Variants in UBR3 observed in about 807,000 individuals in gnomAD.
UBR3 encodes ubiquitin protein ligase E3 component n-recognin 3.
A neutral mutation model predicts 243.2 loss-of-function variants in UBR3; 85 were observed. The ratio of observed to expected loss-of-function variants is 0.35; its 90% CI spans 0.29 to 0.42. The LOEUF (loss-of-function observed/expected upper bound fraction) is 0.42, where lower values mean the gene tolerates loss of function less well. Among genes scored for constraint, UBR3 ranks in the 10% least tolerant of loss-of-function variants. The pLI is 1.00. For synonymous variants in UBR3, 748 were observed against 799.8 expected (o/e 0.94, Z 1.09); for missense variants, 1,686 against 2,300.8 (o/e 0.73, Z 5.47).
chr2:169,869,091 T>A lies in UBR3; in HGVS notation c.546-3145T>A, dbSNP rs75952278. On this transcript the variant is annotated intron_variant, in intron 1 of 38. Coordinates refer to ENST00000272793, the MANE Select transcript of UBR3 (RefSeq NM_172070.4). ...ATGGAAGTTAGCTCTGGAGACATGG[T>A]ACCATTCAAGTTCAGTTTGTTTGAT... 3.7e-3 allele frequency among the ~76,000 whole-genome samples: 559 copies of A among 152,126 alleles called. 3 individuals carry two copies. Among genetic ancestry groups the A allele is most frequent in the African/African-American group, 0.013 (524 of 41,510 alleles).
chr2:170,072,100 C>G (rs1352452742), intron 35 of UBR3, among the ~76,000 whole-genome samples: 2 of 152,060 alleles, frequency 1.3e-5, no homozygotes, highest in African/African-American at 2.4e-5. Context: ...ATAAATCATG[C>G]TGCTATAAAG....
chr2:169,982,457 C>T (rs1378040828), intron 24 of UBR3, among the ~76,000 whole-genome samples: 1 of 151,970 alleles, frequency 6.6e-6, no homozygotes, highest in Non-Finnish European at 1.5e-5. Flanking sequence ...TAGGCTCTAA[C>T]TATTTTTAAC....
At chr2:169,878,416 C>G in intron 4 of UBR3, 109 bp from the exon 5 acceptor site, 1 of 1,068,138 alleles carries the variant, frequency 9.4e-7, no homozygotes. Context: ...ATGAGGTGTC[C>G]TAACGTAACA....
chr2:169,864,895 A>T (rs1316923629), intron 1 of UBR3, among the ~76,000 whole-genome samples: 1 of 140,206 alleles, frequency 7.1e-6, no homozygotes, highest in Non-Finnish European at 1.5e-5. Context: ...TGACGGAGCG[A>T]GACTCCGTCT....
intron 11 of UBR3, among the ~76,000 whole-genome samples, chr2:169,923,554 A>G (rs1252782455): frequency 7.3e-6 from 1 of 137,544 alleles, no homozygotes; most frequent in East Asian, 2.1e-4. Flanking sequence ...TACTGTCATG[A>G]TGTTTGGTAT....
At chr2:170,076,161 G>A (rs1312325646) in intron 36 of UBR3, among the ~76,000 whole-genome samples, 2 of 152,118 alleles carry the variant, frequency 1.3e-5, no homozygotes, top group Non-Finnish European at 2.9e-5. Context: ...CCCAGTGGTG[G>A]GGCAGGATCT....
Position 169,898,205 on chromosome 2 carries a change from C to A in UBR3, c.1465+1470C>A, listed in dbSNP as rs538381063. Among the ~76,000 whole-genome samples, 21 of 152,288 alleles carry A rather than the reference C, an allele frequency of 1.4e-4. No homozygotes were observed. The East Asian group carries it at 3.3e-3, about 24-fold the overall frequency. On this transcript the variant is annotated intron_variant, in intron 8 of 38. Coordinates refer to ENST00000272793, the MANE Select transcript of UBR3 (RefSeq NM_172070.4). ...GAGGAGGAGAAATCTTATAGTTGAG[C>A]CTTGCTTTGTTCCACTCTTGCCTCT...
At chr2:169,885,509 C>T (rs761822258) in intron 5 of UBR3, among the ~76,000 whole-genome samples, 3 of 151,702 alleles carry the variant, frequency 2.0e-5, no homozygotes, top group Non-Finnish European at 2.9e-5. Context: ...ACCTAGGAGG[C>T]GGAGCTTGAA....
Position 169,827,555 on chromosome 2 carries a change from G to A in UBR3, c.48G>A (p.Gln16=). 1 of 1,235,848 alleles carries A rather than the reference G, an allele frequency of 8.1e-7. No homozygotes were observed. The highest frequency in any genetic ancestry group is 1.0e-6 in the Non-Finnish European group (1 of 992,054). The allele number at this position is 1,235,848 out of a possible 1,614,324, so 76.6% of individuals were successfully genotyped here. ...CCGTCGGGGGCCAGCAGCCGTCACA[G>A]CCCGAGCTGCCCGCGCCGGGGCTGG... is the stretch of plus-strand genomic sequence containing the variant. The part of the protein sequence containing the change: ...AAAVGGQQPS[Q]PELPAPGLAL... The change falls in exon 1 of 39, where the codon CAG becomes CAA. Residue 16 remains glutamine, a synonymous_variant. Coordinates refer to ENST00000272793, the MANE Select transcript of UBR3 (RefSeq NM_172070.4).
chr2:169,833,806 G>A (rs1311397429), intron 1 of UBR3, among the ~76,000 whole-genome samples: 1 of 151,166 alleles, frequency 6.6e-6, no homozygotes, highest in Non-Finnish European at 1.5e-5. Flanking sequence ...TTTAGTGACA[G>A]GTTCTCGCAG....
intron 1 of UBR3, among the ~76,000 whole-genome samples, chr2:169,845,501 ATCGTCGTCGTCG>A (rs879064379): frequency 0.02 from 1,895 of 93,882 alleles, 50 homozygotes; most frequent in African/African-American, 0.054. Context: ...CTTCGTCGTC[ATCGTCGTCGTCG>A]TCGTCGTCGT....
chr2:170,056,566 T>C (rs1279529801), intron 33 of UBR3, among the ~76,000 whole-genome samples: 1 of 152,154 alleles, frequency 6.6e-6, no homozygotes, highest in East Asian at 1.9e-4. Context: ...TTTGTAGAAG[T>C]TGGTAGGAAA....
chr2:170,075,202 T>TAA (rs914101065), intron 36 of UBR3, among the ~76,000 whole-genome samples: 7 of 151,848 alleles, frequency 4.6e-5, no homozygotes, highest in African/African-American at 1.7e-4. Flanking sequence ...ACCCTTTTTT[T>TAA]AAAAAAAAAG....
intron 19 of UBR3, among the ~76,000 whole-genome samples, chr2:169,939,637 C>T (rs969876428): frequency 6.6e-6 from 1 of 150,910 alleles, no homozygotes. Flanking sequence ...AATCTTGGCT[C>T]ACTGTAGCCT....
At chr2:169,908,821 C>CTTTT (rs11388865) in intron 10 of UBR3, among the ~76,000 whole-genome samples, 1 of 124,058 alleles carries the variant, frequency 8.1e-6, no homozygotes, top group Non-Finnish European at 1.7e-5. Flanking sequence ...GTGATTGGTC[C>CTTTT]TTTTTTTTTT....
At chr2:169,883,071 T>A (rs949037107) in intron 5 of UBR3, among the ~76,000 whole-genome samples, 1 of 152,358 alleles carries the variant, frequency 6.6e-6, no homozygotes, top group East Asian at 1.9e-4. Context: ...GCTTTATGTC[T>A]TAAAATTACC....
In UBR3 at chr2:169,827,570, G is replaced by A; in HGVS notation, c.63G>A (p.Ala21=). The A allele has an allele frequency of 8.1e-7, 1 of 1,234,872 alleles. No homozygotes were observed. 76.5% of individuals were successfully genotyped at this position (1,234,872 alleles called of 1,614,324 possible). A position where few individuals can be genotyped will look rare whatever the true frequency, so the allele number is the denominator to read the frequency against. Residue 21 remains alanine, a synonymous_variant, in exon 1 of 39, where the codon GCG becomes GCA. Coordinates refer to ENST00000272793, the MANE Select transcript of UBR3 (RefSeq NM_172070.4). ...GQQPSQPELP[A]PGLALDKAAT... ...AGCCGTCACAGCCCGAGCTGCCCGC[G>A]CCGGGGCTGGCCCTAGACAAGGCGG...
chr2:169,914,019 T>C, intron 10 of UBR3, 41 bp from the exon 11 acceptor site: 1 of 947,806 alleles, frequency 1.1e-6, no homozygotes, highest in Non-Finnish European at 1.5e-6. Flanking sequence ...AAATATATGT[T>C]TATATATCAT....
chr2:169,981,980 G>A (rs956635156), intron 24 of UBR3, among the ~76,000 whole-genome samples: 7 of 152,076 alleles, frequency 4.6e-5, no homozygotes, highest in African/African-American at 1.7e-4. Context: ...CTTATCTGAG[G>A]GAAGTCAGAC....
Sources: allele counts gnomAD v4.1 joint callset (sites outside exome capture counted in the v4.1 genomes callset), GRCh38; gene constraint gnomAD v4.1.1; transcripts MANE v1.5; gene names NCBI Gene and HGNC (gene_info 2026-07-23, HGNC 2026-07-21).